FAM83D: variants seen among roughly 807,000 people sequenced by gnomAD.
FAM83D encodes scaffolding CK1 anchoring protein D, also known as protein FAM83D.
In FAM83D, 26 loss-of-function variants were observed where a neutral mutation model predicts 25.4. The ratio of observed to expected loss-of-function variants is 1.02; its 90% CI spans 0.75 to 1.42. The LOEUF (loss-of-function observed/expected upper bound fraction) is 1.42, where lower values mean the gene tolerates loss of function less well. Among genes scored for constraint, FAM83D ranks in the 40% most tolerant of loss-of-function variants. FAM83D has a pLI of 0.00. For missense variants in FAM83D, 740 were observed against 758.1 expected (o/e 0.98, Z 0.28); for synonymous variants, 310 against 318.5 (o/e 0.97, Z 0.28).
intron 2 of FAM83D, among the ~76,000 whole-genome samples, chr20:38,942,467 T>G (rs542636267): frequency 2.6e-5 from 4 of 152,356 alleles, no homozygotes; most frequent in African/African-American, 9.6e-5. Flanking sequence ...TAGCATACTA[T>G]TCACCTATAA....
chr20:38,941,524 C>T (rs914023952), intron 1 of FAM83D, among the ~76,000 whole-genome samples: 4 of 152,140 alleles, frequency 2.6e-5, no homozygotes, highest in South Asian at 2.1e-4. Context: ...ACTTGTTTAA[C>T]GGACAGCAAA....
rs187649224 is a variant in FAM83D at position 38,932,693 on chromosome 20, C to T, written c.483+5768C>T. ...TGTGGCCGCCTGCCTGGAAGGGCTA[C>T]ATAGCCTCATTTTGGCAATGTGCTT... On this transcript the variant is annotated intron_variant, in intron 1 of 3. Coordinates refer to ENST00000619850, the MANE Select transcript of FAM83D (RefSeq NM_030919.3). Among the ~76,000 whole-genome samples, 211 of 152,356 alleles carry T rather than the reference C, an allele frequency of 1.4e-3. 2 individuals are homozygous for T. The highest frequency in any genetic ancestry group is 0.012 in the Admixed American group (191 of 15,308).
chr20:38,946,926 AC>A (rs2085730924), intron 2 of FAM83D, among the ~76,000 whole-genome samples: 1 of 152,176 alleles, frequency 6.6e-6, no homozygotes, highest in South Asian at 2.1e-4. Context: ...GTTATGTGTT[AC>A]TGTAGTTTCT....
chr20:38,942,545 C>G (rs926970821), intron 2 of FAM83D, among the ~76,000 whole-genome samples: 2 of 152,136 alleles, frequency 1.3e-5, no homozygotes, highest in African/African-American at 4.8e-5. Flanking sequence ...TGAAGGAAAC[C>G]GGTCACAAAA....
At position 38,926,521 on chromosome 20, in the gene FAM83D, C is replaced by T. The variant is rs1244090438; in HGVS notation, c.79C>T (p.Leu27=). The change falls in exon 1 of 4, where the codon CTG becomes TTG. Residue 27 remains leucine, a synonymous_variant. Transcript: ENST00000619850. ...GTGCGGGCCGCCCAACCCGACCGAG[C>T]TGTTCAGCGAGTCACGGCGCCTGGC... is the stretch of plus-strand genomic sequence containing the variant. ...SPCGPPNPTE[L]FSESRRLALE... is the part of the protein sequence containing the mutation. 3 of 1,593,554 alleles carry T rather than the reference C, an allele frequency of 1.9e-6. No individual in the cohort carries two copies. The highest frequency in any genetic ancestry group is 2.2e-5 in the South Asian group (2 of 90,408).
At chr20:38,932,679 G>A (rs1311366263) in intron 1 of FAM83D, among the ~76,000 whole-genome samples, 3 of 152,226 alleles carry the variant, frequency 2.0e-5, no homozygotes, top group Non-Finnish European at 4.4e-5. Flanking sequence ...GTGGCCGCCT[G>A]CCTGGAAGGG....
intron 2 of FAM83D, among the ~76,000 whole-genome samples, chr20:38,945,152 G>A (rs1765935957): frequency 6.6e-6 from 1 of 152,098 alleles, no homozygotes; most frequent in African/African-American, 2.4e-5. Flanking sequence ...TAGGAACTTG[G>A]TCACACATTG....
chr20:38,948,180 G>T (rs890861962), intron 3 of FAM83D, among the ~76,000 whole-genome samples, 180 bp downstream of exon 3: 1 of 152,204 alleles, frequency 6.6e-6, no homozygotes, highest in Non-Finnish European at 1.5e-5. Context: ...TTGGGTGGGG[G>T]TCACTTCCCC....
intron 1 of FAM83D, among the ~76,000 whole-genome samples, chr20:38,932,464 T>G (rs2085662549): frequency 6.6e-6 from 1 of 152,238 alleles, no homozygotes; most frequent in African/African-American, 2.4e-5. Context: ...TCAGGCGAGC[T>G]TCACCAAAAT....
intron 1 of FAM83D, among the ~76,000 whole-genome samples, chr20:38,938,343 C>T (rs943835090): frequency 2.0e-5 from 3 of 152,186 alleles, no homozygotes; most frequent in African/African-American, 4.8e-5. Context: ...ACTGAGGGAA[C>T]GTGTCCTTTG....
chr20:38,948,513 C>A (rs1297834203), intron 3 of FAM83D, among the ~76,000 whole-genome samples: 1 of 152,134 alleles, frequency 6.6e-6, no homozygotes, highest in Non-Finnish European at 1.5e-5. Context: ...TGTTTCTGAC[C>A]CACCTTTGAA....
chr20:38,926,653 G>A lies in FAM83D; in HGVS notation c.211G>A (p.Ala71Thr). 1 of 1,535,964 alleles carries A rather than the reference G, an allele frequency of 6.5e-7. No homozygotes were observed. Among genetic ancestry groups the A allele is most frequent in the Non-Finnish European group, 8.7e-7 (1 of 1,146,638 alleles). The change falls in exon 1 of 4, where the codon GCG becomes ACG. Residue 71 changes from alanine to threonine, a missense_variant. By Grantham distance (58) the Ala-to-Thr change is moderately conservative. Around this residue, in one of 3 missense-constraint regions of FAM83D, gnomAD observed 333 missense variants for 298.6 expected, o/e 1.12. Coordinates refer to ENST00000619850, the MANE Select transcript of FAM83D (RefSeq NM_030919.3). Reference sequence around the variant, plus strand: ...CGATGAGGTGCACGCCATTCTGCGCGCGGCGGAGAGGCCGGGAGAGGAGGG... The same window carrying A: ...CGATGAGGTGCACGCCATTCTGCGCACGGCGGAGAGGCCGGGAGAGGAGGG... ...NPDEVHAILR[A>T]AERPGEEGAA...
intron 1 of FAM83D, among the ~76,000 whole-genome samples, chr20:38,939,649 C>A (rs1318645006): frequency 6.6e-6 from 1 of 152,176 alleles, no homozygotes; most frequent in Non-Finnish European, 1.5e-5. Flanking sequence ...TCATGCCCGG[C>A]CCCCTTAGTT....
chr20:38,941,638 G>A (rs1368660196), intron 1 of FAM83D, among the ~76,000 whole-genome samples: 2 of 152,168 alleles, frequency 1.3e-5, no homozygotes, highest in African/African-American at 4.8e-5. Flanking sequence ...GGAGTTTAGT[G>A]GAGGAATAGA....
chr20:38,927,341 T>TA (rs1262574525), intron 1 of FAM83D, among the ~76,000 whole-genome samples: 8 of 152,080 alleles, frequency 5.3e-5, no homozygotes, highest in South Asian at 2.1e-4. Context: ...CCAAAGAACT[T>TA]ACGCAGGGAA....
At position 38,938,622 on chromosome 20, in the gene FAM83D, G is replaced by A. The variant is rs146624728; in HGVS notation, c.484-3337G>A. ...AGGTTTTACTGCCACCTCAAAATCC[G>A]TTTCGAAGCTCACCCCTCACTCTTG... On this transcript the variant is annotated intron_variant, in intron 1 of 3. Coordinates refer to ENST00000619850, the MANE Select transcript of FAM83D (RefSeq NM_030919.3). Among the ~76,000 whole-genome samples the A allele has an allele frequency of 5.3e-5, 8 of 152,212 alleles. No homozygotes were observed. In the East Asian group the frequency reaches 9.6e-4, roughly 18 times the overall value.
chr20:38,934,213 A>G (rs2085669363), intron 1 of FAM83D, among the ~76,000 whole-genome samples: 1 of 152,180 alleles, frequency 6.6e-6, no homozygotes, highest in African/African-American at 2.4e-5. Flanking sequence ...ATGAAGCTGC[A>G]GAATTCTTCT....
At chr20:38,928,095 C>T (rs745356011) in intron 1 of FAM83D, among the ~76,000 whole-genome samples, 6 of 152,158 alleles carry the variant, frequency 3.9e-5, no homozygotes, top group African/African-American at 1.2e-4. Context: ...CATAGAGTGT[C>T]GTGGCAGACA....
intron 3 of FAM83D, among the ~76,000 whole-genome samples, chr20:38,949,425 G>C (rs769753705): frequency 1.2e-4 from 18 of 152,162 alleles, no homozygotes; most frequent in Non-Finnish European, 2.9e-5. Flanking sequence ...CTACCAAAGT[G>C]CTGGGGTTAC....
Sources: allele counts gnomAD v4.1 joint callset (sites outside exome capture counted in the v4.1 genomes callset), GRCh38; gene constraint gnomAD v4.1.1; regional missense constraint gnomAD v4.1.1; transcripts MANE v1.5; gene names NCBI Gene and HGNC (gene_info 2026-07-23, HGNC 2026-07-21).